CENPF: variants seen among roughly 807,000 people sequenced by gnomAD.
CENPF encodes AH antigen.
In CENPF, 214 loss-of-function variants were observed where a neutral mutation model predicts 307.3. That is an observed-to-expected ratio of 0.70 (90% CI 0.62 to 0.78). CENPF has a LOEUF of 0.78. Ranked by LOEUF, CENPF falls within the 30% of genes least tolerant of loss-of-function variation. The pLI, the probability that CENPF is intolerant of heterozygous loss-of-function variation, is 0.00. For missense variants in CENPF, 3,401 were observed against 3,483.9 expected (o/e 0.98, Z 0.60); for synonymous variants, 1,259 against 1,270.6 (o/e 0.99, Z 0.19).
At chr1:214,637,060 G>A (rs552413612) in intron 10 of CENPF, among the ~76,000 whole-genome samples, 1 of 152,202 alleles carries the variant, frequency 6.6e-6, no homozygotes, top group Admixed American at 6.5e-5. Context: ...AACTACACAT[G>A]TACCTGTGTT....
At chr1:214,639,061 C>T (rs76450500) in intron 11 of CENPF, among the ~76,000 whole-genome samples, 145 of 152,284 alleles carry the variant, frequency 9.5e-4, no homozygotes, top group Non-Finnish European at 1.8e-3. Context: ...CTTAGAAGTT[C>T]GTACTGCTTT....
chr1:214,608,764 A>C, intron 1 of CENPF: 1 of 1,600,440 alleles, frequency 6.2e-7, no homozygotes, highest in Non-Finnish European at 8.5e-7. Context: ...CAGGAAGGCG[A>C]GCTTGGCAGC....
chr1:214,646,706 G>A lies in CENPF; in HGVS notation c.7136G>A (p.Ser2379Asn). 6.2e-7 allele frequency: 1 copy of A among 1,613,980 alleles called. No homozygotes were observed. Among genetic ancestry groups the A allele is most frequent in the East Asian group, 2.2e-5 (1 of 44,882 alleles). The change falls in exon 13 of 20, where the codon AGT (serine) becomes AAT (asparagine). Residue 2379 changes from serine to asparagine, a missense_variant. Transcript: ENST00000366955. The stretch of plus-strand genomic sequence containing the variant: ...GCAAAAATAGAAGGGATGACCCAAA[G>A]TCTGAGAGGTCTGGAATTAGATGTT... Reference protein sequence around the residue: ...LKAKIEGMTQSLRGLELDVVT... With the variant: ...LKAKIEGMTQNLRGLELDVVT...
In CENPF at chr1:214,645,920, T is replaced by A. The variant is rs773100793; in HGVS notation, c.6350T>A (p.Leu2117Gln). ...TCAACACAGGAGGAAGTGCATCAGC[T>A]GAGAAGAGGCATCGAGAAACTGAGA... ...LSSTQEEVHQ[L>Q]RRGIEKLRVR... Residue 2117 changes from leucine to glutamine, a missense_variant, in exon 13 of 20, where the codon CTG becomes CAG. Coordinates refer to ENST00000366955, the MANE Select transcript of CENPF (RefSeq NM_016343.4). The A allele has an allele frequency of 6.2e-7, 1 of 1,614,024 alleles. No homozygotes were observed. The highest frequency in any genetic ancestry group is 8.5e-7 in the Non-Finnish European group (1 of 1,180,014).
intron 9 of CENPF, among the ~76,000 whole-genome samples, 177 bp from the exon 10 acceptor site, chr1:214,632,303 C>T (rs991564269): frequency 2.0e-5 from 3 of 152,090 alleles, no homozygotes; most frequent in African/African-American, 7.2e-5. Flanking sequence ...TGAGTGACGT[C>T]GCAAGGTCAC....
In CENPF at chr1:214,646,256, T is replaced by C. The variant is rs1658296980; in HGVS notation, c.6686T>C (p.Leu2229Pro). Residue 2229 changes from leucine (L) to proline (P), a missense_variant, in exon 13 of 20, where the codon CTA (leucine) becomes CCA (proline). Physicochemically the swap from Leu to Pro is moderately conservative, Grantham distance 98 (BLOSUM62 -3). Coordinates refer to ENST00000366955, the MANE Select transcript of CENPF (RefSeq NM_016343.4). Reference protein sequence around the residue: ...IQEKQGQLSELDKLLSSFKSL... With the variant: ...IQEKQGQLSEPDKLLSSFKSL... ...GAAAAACAAGGTCAGTTGTCAGAAC[T>C]AGACAAGTTACTCTCTTCATTTAAA... The C allele has an allele frequency of 6.2e-7, 1 of 1,614,106 alleles. No individual in the cohort carries two copies. The highest frequency in any genetic ancestry group is 2.2e-5 in the East Asian group (1 of 44,878).
intron 19 of CENPF, among the ~76,000 whole-genome samples, chr1:214,663,291 G>A (rs983535540): frequency 6.6e-6 from 1 of 152,126 alleles, no homozygotes; most frequent in Admixed American, 6.5e-5. Flanking sequence ...GGAATTCACT[G>A]GATGTGTACC....
Position 214,633,214 on chromosome 1 carries a change from C to A in CENPF, c.1446+612C>A, listed in dbSNP as rs563484724. On this transcript the variant is annotated intron_variant, in intron 10 of 19. Coordinates refer to ENST00000366955, the MANE Select transcript of CENPF (RefSeq NM_016343.4). ...CCCTGGTTGACGGTGTCTTTGGAGA[C>A]TTTGTTTTGTCCACAAAGTGGTGGA... Among the ~76,000 whole-genome samples, 6 of 152,316 alleles carry A rather than the reference C, an allele frequency of 3.9e-5. No homozygotes were observed. In the East Asian group the frequency reaches 1.2e-3, roughly 29 times the overall value.
chr1:214,633,622 G>T (rs1197934710), intron 10 of CENPF, among the ~76,000 whole-genome samples: 1 of 152,230 alleles, frequency 6.6e-6, no homozygotes, highest in Non-Finnish European at 1.5e-5. Context: ...GCTTTGCAGA[G>T]TGTATCATGA....
At chr1:214,627,266 C>T (rs1215579543) in intron 7 of CENPF, among the ~76,000 whole-genome samples, 1 of 151,910 alleles carries the variant, frequency 6.6e-6, no homozygotes, top group Non-Finnish European at 1.5e-5. Flanking sequence ...ACCATGTTGC[C>T]CAAGTTGGTA....
At chr1:214,632,456 C>A (rs1416707219) in intron 9 of CENPF, 24 bp from the exon 10 acceptor site, 1 of 1,602,404 alleles carries the variant, frequency 6.2e-7, no homozygotes, top group Admixed American at 1.7e-5. Context: ...GAAAATGAAA[C>A]TTGGTCTCTT....
At chr1:214,635,743 G>A (rs1290204379) in intron 10 of CENPF, among the ~76,000 whole-genome samples, 1 of 152,156 alleles carries the variant, frequency 6.6e-6, no homozygotes, top group Non-Finnish European at 1.5e-5. Flanking sequence ...CGGAGCTAAT[G>A]CCAGAATAGA....
rs1657014558 is a variant in CENPF at position 214,605,909 on chromosome 1, G to A, written c.-42+2588G>A. On this transcript the variant is annotated intron_variant, in intron 1 of 19. Transcript: ENST00000366955. Reference sequence around the variant, plus strand: ...GGACACCTTCTCGATGTTAGGGAAGGCGTCGAAGCAGTAGGTCTTCTTGGT... The same window carrying A: ...GGACACCTTCTCGATGTTAGGGAAGACGTCGAAGCAGTAGGTCTTCTTGGT... The A allele has an allele frequency of 2.5e-6, 4 of 1,597,312 alleles. No individual in the cohort carries two copies. The African/African-American group carries it at 5.3e-5, about 21-fold the overall frequency.
intron 13 of CENPF, chr1:214,648,087 T>C: frequency 2.6e-6 from 1 of 385,926 alleles, no homozygotes; most frequent in Admixed American, 3.1e-5. Flanking sequence ...TAATTCTTGC[T>C]GAACAAATAT....
At chr1:214,619,464 A>T (rs1212348268) in intron 5 of CENPF, among the ~76,000 whole-genome samples, 1 of 152,192 alleles carries the variant, frequency 6.6e-6, no homozygotes, top group African/African-American at 2.4e-5. Context: ...TATAATGTAC[A>T]CTTAATTATT....
At chr1:214,609,656 G>T (rs79260805) in intron 1 of CENPF, among the ~76,000 whole-genome samples, 5,940 of 152,190 alleles carry the variant, frequency 0.039, 349 homozygotes, top group African/African-American at 0.14. Context: ...ATGTCATGGG[G>T]GATTGTTGTA....
chr1:214,617,902 G>A (rs995737599), intron 3 of CENPF, among the ~76,000 whole-genome samples: 1 of 152,162 alleles, frequency 6.6e-6, no homozygotes, highest in Non-Finnish European at 1.5e-5. Flanking sequence ...TTTGCTGTCT[G>A]TATTAGTCTG....
At chr1:214,605,649 T>A in intron 1 of CENPF, 1 of 1,546,874 alleles carries the variant, frequency 6.5e-7, no homozygotes, top group Non-Finnish European at 8.7e-7. Context: ...GCCTTATTGC[T>A]GAGGTCTGGC....
chr1:214,635,911 C>A (rs530379224), intron 10 of CENPF, among the ~76,000 whole-genome samples: 1 of 152,132 alleles, frequency 6.6e-6, no homozygotes, highest in Non-Finnish European at 1.5e-5. Flanking sequence ...CCTATTGGGA[C>A]GCACCTAGTT....
Sources: gnomAD v4.1 joint callset for allele counts (sites outside exome capture counted in the v4.1 genomes callset) on GRCh38, gnomAD v4.1.1 for gene constraint, MANE v1.5 for transcripts, NCBI Gene and HGNC (gene_info 2026-07-23, HGNC 2026-07-21) for gene names.